Variants in PRRC2C observed in about 807,000 individuals in gnomAD.
The protein encoded by PRRC2C is proline rich coiled-coil 2C.
In PRRC2C, 72 loss-of-function variants were observed where a neutral mutation model predicts 317.2. That is an observed-to-expected ratio of 0.23 (90% CI 0.19 to 0.28). The LOEUF (loss-of-function observed/expected upper bound fraction) is 0.28. PRRC2C is among the 10% of genes least tolerant of loss of function. The probability of loss-of-function intolerance (pLI) is 1.00; values close to 1 mark genes in which losing one functional copy is unlikely to be tolerated. For missense variants in PRRC2C, 3,074 were observed against 3,459.7 expected (o/e 0.89, Z 2.80); for synonymous variants, 1,296 against 1,205.9 (o/e 1.07, Z -1.55).
intron 10 of PRRC2C, among the ~76,000 whole-genome samples, chr1:171,526,779 G>C (rs1674643287): frequency 1.4e-5 from 2 of 143,088 alleles, no homozygotes; most frequent in Non-Finnish European, 3.0e-5. Context: ...ATGGTATTGA[G>C]AAAATCATTA....
At chr1:171,502,981 C>T (rs865957311) in intron 1 of PRRC2C, among the ~76,000 whole-genome samples, 1 of 152,252 alleles carries the variant, frequency 6.6e-6, no homozygotes, top group South Asian at 2.1e-4. Flanking sequence ...CCTTGGCCTC[C>T]CAAAGTGCTG....
chr1:171,486,772 A>G (rs1418325193), intron 1 of PRRC2C, among the ~76,000 whole-genome samples: 2 of 152,166 alleles, frequency 1.3e-5, no homozygotes, highest in Non-Finnish European at 2.9e-5. Context: ...ATTGTTGAGT[A>G]CTTAATAGCT....
Position 171,523,482 on chromosome 1 carries a change from G to C in PRRC2C, c.1015G>C (p.Asp339His). 6.2e-7 allele frequency: 1 copy of C among 1,612,440 alleles called. No individual in the cohort carries two copies. The change falls in exon 9 of 35, where the codon GAT becomes CAT. Residue 339 changes from aspartate to histidine, a missense_variant. Transcript: ENST00000647382. ...DYTEQLNFSD[D>H]DEQGSNSPKE... Reference sequence around the variant, plus strand: ...TACAGAGCAACTGAATTTCAGTGATGATGATGAACAAGGAAGTAACAGTCC... The same window carrying C: ...TACAGAGCAACTGAATTTCAGTGATCATGATGAACAAGGAAGTAACAGTCC...
At chr1:171,518,643 A>G (rs1468946108) in intron 6 of PRRC2C, among the ~76,000 whole-genome samples, 1 of 133,118 alleles carries the variant, frequency 7.5e-6, no homozygotes, top group Non-Finnish European at 1.6e-5. Context: ...AATTACAGGC[A>G]TATGCCACCA....
At chr1:171,563,894 A>G (rs7548158) in intron 20 of PRRC2C, among the ~76,000 whole-genome samples, 121,888 of 152,082 alleles carry the variant, frequency 0.8, 48,992 homozygotes, top group Middle Eastern at 0.89. Context: ...TTTCCCAACC[A>G]CAAGATTTTT....
At chr1:171,552,446 T>C (rs764566701) in intron 18 of PRRC2C, among the ~76,000 whole-genome samples, 3 of 152,114 alleles carry the variant, frequency 2.0e-5, no homozygotes, top group Admixed American at 6.6e-5. Context: ...TAATTGAATA[T>C]CCTTTATTTA....
chr1:171,557,092 C>A (rs1457941608), intron 18 of PRRC2C, 148 bp from the exon 19 acceptor site: 8 of 1,370,394 alleles, frequency 5.8e-6, no homozygotes, highest in Non-Finnish European at 7.7e-6. Flanking sequence ...CATTCAAAAT[C>A]TTATTAGCAA....
At chr1:171,554,083 T>C (rs146337592) in intron 18 of PRRC2C, among the ~76,000 whole-genome samples, 8,379 of 152,240 alleles carry the variant, frequency 0.055, 318 homozygotes, top group Non-Finnish European at 0.086. Context: ...AGTCTCCCAT[T>C]AGTATTGTGT....
chr1:171,535,787 C>G (rs966793067), intron 13 of PRRC2C, among the ~76,000 whole-genome samples, 190 bp downstream of exon 13: 4 of 152,126 alleles, frequency 2.6e-5, no homozygotes. Flanking sequence ...GATCTTCTGC[C>G]TCATTTATAG....
Position 171,541,707 on chromosome 1 carries a change from A to G in PRRC2C, c.4241A>G (p.Lys1414Arg). 1 of 1,613,906 alleles carries G rather than the reference A, an allele frequency of 6.2e-7. No individual in the cohort carries two copies. The highest frequency in any genetic ancestry group is 8.5e-7 in the Non-Finnish European group (1 of 1,179,868). ...ADKRPPKFER[K>R]FDPARERPRR... is the part of the protein sequence containing the mutation. The stretch of plus-strand genomic sequence containing the variant: ...AAACGACCTCCAAAATTTGAGCGAA[A>G]ATTTGACCCAGCTAGAGAAAGGCCT... The change falls in exon 16 of 35, where the codon AAA (lysine) becomes AGA (arginine). Residue 1414 changes from lysine to arginine, a missense_variant. Around this residue, in one of 11 missense-constraint regions of PRRC2C, gnomAD observed 1,320 missense variants for 1,395.7 expected, o/e 0.95. Coordinates refer to ENST00000647382, the MANE Select transcript of PRRC2C (RefSeq NM_001387844.1). This position sits in a 1 kb window ranked among gnomAD's most constrained non-coding sequence, Gnocchi z 4.1.
chr1:171,574,836 A>T, intron 24 of PRRC2C, 91 bp from the exon 25 acceptor site: 4 of 1,186,104 alleles, frequency 3.4e-6, no homozygotes, highest in Non-Finnish European at 4.8e-6. Flanking sequence ...GAAAGATTAT[A>T]TTTGGCACTT....
At chr1:171,535,687 G>A (rs906090243) in intron 13 of PRRC2C, 90 bp downstream of exon 13, 20 of 1,374,204 alleles carry the variant, frequency 1.5e-5, no homozygotes, top group Admixed American at 1.1e-4. Context: ...CTGATAATAC[G>A]TAAAGCACAC....
chr1:171,542,049 A>T lies in PRRC2C; in HGVS notation c.4583A>T (p.Lys1528Met), dbSNP rs1200826863. Reference sequence around the variant, plus strand: ...GACTTGAATGCACAAACAGTTGTAAAGGTTGGAGAGAATGTTCTACCTCCA... The same window carrying T: ...GACTTGAATGCACAAACAGTTGTAATGGTTGGAGAGAATGTTCTACCTCCA... ...NADLNAQTVV[K>M]VGENVLPPKR... The change falls in exon 16 of 35, where the codon AAG (lysine) becomes ATG (methionine). Residue 1528 changes from lysine to methionine, a missense_variant. Physicochemically the swap from Lys to Met is moderately conservative, Grantham distance 95. Coordinates refer to ENST00000647382, the MANE Select transcript of PRRC2C (RefSeq NM_001387844.1). The T allele has an allele frequency of 1.2e-6, 2 of 1,613,854 alleles. No homozygotes were observed. The highest frequency in any genetic ancestry group is 3.3e-5 in the Admixed American group (2 of 59,996).
chr1:171,587,325 C>A, intron 31 of PRRC2C, 104 bp downstream of exon 31: 2 of 1,078,894 alleles, frequency 1.9e-6, no homozygotes, highest in Non-Finnish European at 2.6e-6. Context: ...CAGTTTTTAC[C>A]ACCCTGCAAA....
chr1:171,501,130 C>T (rs1669042618), intron 1 of PRRC2C, among the ~76,000 whole-genome samples: 1 of 152,072 alleles, frequency 6.6e-6, no homozygotes, highest in Admixed American at 6.5e-5. Context: ...CTCCTGGGCT[C>T]AAGTGATCCT....
At chr1:171,565,775 T>A (rs1206278086) in intron 20 of PRRC2C, among the ~76,000 whole-genome samples, 2 of 152,216 alleles carry the variant, frequency 1.3e-5, no homozygotes, top group African/African-American at 2.4e-5. Context: ...GTGGATTGAT[T>A]GCTTAGATGT....
intron 20 of PRRC2C, among the ~76,000 whole-genome samples, chr1:171,563,504 C>T (rs561030279): frequency 6.6e-4 from 101 of 152,034 alleles, no homozygotes; most frequent in African/African-American, 2.4e-3. Context: ...TAAGGAGAGC[C>T]AACTGTATAA....
rs935264781 is a variant in PRRC2C, at chr1:171,566,931, T to C, written c.6558+88T>C. On this transcript the variant is annotated intron_variant, in intron 22 of 34. Transcript: ENST00000647382. ...GAACAGCAACAGTCTGCTTTTTTTT[T>C]TCCTGCTGAGGCATATAACTCTATA... is the stretch of plus-strand genomic sequence containing the variant. 5.7e-6 allele frequency: 8 copies of C among 1,413,776 alleles called. No individual in the cohort carries two copies. In the African/African-American group the frequency reaches 8.6e-5, roughly 15 times the overall value. 87.6% of individuals were successfully genotyped at this position (1,413,776 alleles called of 1,614,324 possible). A position where few individuals can be genotyped will look rare whatever the true frequency, so the allele number is the denominator to read the frequency against.
chr1:171,571,080 T>C (rs989832684), intron 23 of PRRC2C, among the ~76,000 whole-genome samples: 1 of 152,176 alleles, frequency 6.6e-6, no homozygotes, highest in Non-Finnish European at 1.5e-5. Context: ...TGGTGCAGAC[T>C]CTCTTTCTGC....
Sources: allele counts gnomAD v4.1 joint callset (sites outside exome capture counted in the v4.1 genomes callset), GRCh38; gene constraint gnomAD v4.1.1; regional missense constraint gnomAD v4.1.1; non-coding constraint Gnocchi (gnomAD v3.1); transcripts MANE v1.5; gene names NCBI Gene and HGNC (gene_info 2026-07-23, HGNC 2026-07-21).